The following HS3ST5 variants were observed in gnomAD, a reference collection of about 807,000 sequenced individuals.
The protein encoded by HS3ST5 is heparan sulfate-glucosamine 3-sulfotransferase 5.
Under a neutral mutation model 25.4 loss-of-function variants are expected in HS3ST5, and 10 were observed. The ratio of observed to expected loss-of-function variants is 0.39; its 90% CI spans 0.24 to 0.67. The LOEUF is 0.67. HS3ST5 is among the 30% of genes least tolerant of loss of function. HS3ST5 has a pLI of 0.44. For missense variants in HS3ST5, 324 were observed against 420.7 expected, an observed-to-expected ratio of 0.77 and a Z score of 2.01; for synonymous variants, 170 against 162.4, an observed-to-expected ratio of 1.05 and a Z score of -0.36.
intron 3 of HS3ST5, among the ~76,000 whole-genome samples, chr6:114,076,670 A>G (rs1774156588): frequency 6.6e-6 from 1 of 152,214 alleles, no homozygotes; most frequent in South Asian, 2.1e-4. Context: ...AGCTGAGGAA[A>G]ATTGTCATAA....
intron 1 of HS3ST5, among the ~76,000 whole-genome samples, chr6:114,331,576 T>C (rs943869851): frequency 7.2e-5 from 11 of 152,280 alleles, no homozygotes; most frequent in African/African-American, 2.6e-4. Context: ...TAGAGAATAG[T>C]GTATTATATT....
intron 3 of HS3ST5, among the ~76,000 whole-genome samples, chr6:114,067,490 G>T (rs1773521784): frequency 6.6e-6 from 1 of 152,150 alleles, no homozygotes; most frequent in South Asian, 2.1e-4. Flanking sequence ...AGGTCATCTG[G>T]TATATACTAG....
intron 2 of HS3ST5, among the ~76,000 whole-genome samples, chr6:114,192,764 T>C (rs1035773144): frequency 2.6e-5 from 4 of 152,160 alleles, no homozygotes; most frequent in Admixed American, 2.6e-4. Flanking sequence ...CCCAGAGTCA[T>C]AGCTTCTACC....
chr6:114,126,387 A>G (rs1348016967), intron 3 of HS3ST5, among the ~76,000 whole-genome samples: 3 of 152,140 alleles, frequency 2.0e-5, no homozygotes, highest in African/African-American at 4.8e-5. Flanking sequence ...TCCCCTGTTC[A>G]GCATCTTATT....
intron 3 of HS3ST5, among the ~76,000 whole-genome samples, chr6:114,099,944 A>T (rs1487391286): frequency 6.6e-6 from 1 of 152,154 alleles, no homozygotes; most frequent in African/African-American, 2.4e-5. Flanking sequence ...CAGCTCAGGG[A>T]ATAACTCCTA....
chr6:114,292,761 T>C (rs1213304039), intron 1 of HS3ST5, among the ~76,000 whole-genome samples: 1 of 152,182 alleles, frequency 6.6e-6, no homozygotes, highest in Admixed American at 6.5e-5. Flanking sequence ...CTGAGGATGC[T>C]CAAATCTCTG....
chr6:114,089,502 A>G (rs1041804143), intron 3 of HS3ST5, among the ~76,000 whole-genome samples: 1 of 152,192 alleles, frequency 6.6e-6, no homozygotes, highest in Non-Finnish European at 1.5e-5. Context: ...GATATTTTAC[A>G]GAGCACCTGT....
intron 3 of HS3ST5, among the ~76,000 whole-genome samples, chr6:114,125,861 AG>A (rs1173883958): frequency 2.0e-5 from 3 of 152,248 alleles, no homozygotes; most frequent in Non-Finnish European, 4.4e-5. Flanking sequence ...ATGCAGAAAT[AG>A]GCAAATTATC....
At chr6:114,224,589 T>C (rs1251423123) in intron 2 of HS3ST5, among the ~76,000 whole-genome samples, 1 of 151,404 alleles carries the variant, frequency 6.6e-6, no homozygotes, top group African/African-American at 2.4e-5. Context: ...AATCTGCTTA[T>C]ACTTCTATAG....
intron 3 of HS3ST5, among the ~76,000 whole-genome samples, chr6:114,127,851 T>C (rs559497778): frequency 6.7e-6 from 1 of 148,940 alleles, no homozygotes; most frequent in Non-Finnish European, 1.5e-5. Context: ...TATATATATA[T>C]ATATAGAGAG....
At chr6:114,166,407 A>G (rs920690556) in intron 3 of HS3ST5, among the ~76,000 whole-genome samples, 3 of 152,230 alleles carry the variant, frequency 2.0e-5, no homozygotes, top group Non-Finnish European at 2.9e-5. Context: ...TTTCTAGACA[A>G]TAAAGAGATT....
rs373159572 is a variant in HS3ST5, at chr6:114,342,473, G to T, written c.-617C>A. 7.2e-5 allele frequency: 13 copies of T among 181,598 alleles called. No individual in the cohort carries two copies. Among genetic ancestry groups the T allele is most frequent in the African/African-American group, 9.6e-5 (4 of 41,792 alleles). The allele number at this position is 181,598 out of a possible 1,614,324, so 11.2% of individuals were successfully genotyped here. A position where few individuals can be genotyped will look rare whatever the true frequency, so the allele number is the denominator to read the frequency against. ...GAGGTCTGAGGCGGGGAGCCGGGCGGGGGGGCAGGCGGGCGAGAAGTAGTG... is the reference window on the plus strand; with the variant it reads ...GAGGTCTGAGGCGGGGAGCCGGGCGTGGGGGCAGGCGGGCGAGAAGTAGTG... On this transcript the variant is annotated 5_prime_UTR_variant, in exon 1 of 5. Coordinates refer to ENST00000312719, the MANE Select transcript of HS3ST5 (RefSeq NM_153612.4).
At chr6:114,121,780 C>T (rs567310178) in intron 3 of HS3ST5, among the ~76,000 whole-genome samples, 1 of 152,272 alleles carries the variant, frequency 6.6e-6, no homozygotes, top group African/African-American at 2.4e-5. Context: ...CTTAGCATAT[C>T]TGCCATAAAA....
intron 1 of HS3ST5, among the ~76,000 whole-genome samples, chr6:114,270,107 G>C (rs1221118708): frequency 1.3e-5 from 2 of 152,134 alleles, no homozygotes; most frequent in African/African-American, 4.8e-5. Context: ...AGTGGTCTGT[G>C]GACGATGTCA....
At chr6:114,082,135 C>T (rs1341003896) in intron 3 of HS3ST5, among the ~76,000 whole-genome samples, 1 of 152,146 alleles carries the variant, frequency 6.6e-6, no homozygotes, top group East Asian at 1.9e-4. Context: ...TTCCATTCAG[C>T]AAACAAAAAT....
At chr6:114,275,575 G>A (rs1562260909) in intron 1 of HS3ST5, among the ~76,000 whole-genome samples, 7 of 151,918 alleles carry the variant, frequency 4.6e-5, no homozygotes. Flanking sequence ...ATAGCATAGG[G>A]TAGGGATCAG....
intron 2 of HS3ST5, among the ~76,000 whole-genome samples, chr6:114,186,231 C>T (rs1200919026): frequency 3.5e-4 from 53 of 151,940 alleles, no homozygotes; most frequent in Admixed American, 3.1e-3. Context: ...TTAAACTTAA[C>T]GAGAAAGACA....
At chr6:114,269,255 C>T (rs1773536740) in intron 1 of HS3ST5, among the ~76,000 whole-genome samples, 1 of 152,148 alleles carries the variant, frequency 6.6e-6, no homozygotes, top group Admixed American at 6.5e-5. Context: ...CAGTGATTAA[C>T]CATCTTACCT....
intron 3 of HS3ST5, among the ~76,000 whole-genome samples, chr6:114,088,591 G>A (rs1001464704): frequency 6.6e-6 from 1 of 151,830 alleles, no homozygotes; most frequent in Non-Finnish European, 1.5e-5. Flanking sequence ...AGAAGATAGG[G>A]ACTATTTGAT....
Sources: allele counts gnomAD v4.1 joint callset (sites outside exome capture counted in the v4.1 genomes callset), GRCh38; gene constraint gnomAD v4.1.1; transcripts MANE v1.5; gene names NCBI Gene and HGNC (gene_info 2026-07-23, HGNC 2026-07-21).